Variants in SIGLEC9 observed in about 807,000 individuals in gnomAD.
SIGLEC9 encodes sialic acid-binding Ig-like lectin 9.
SIGLEC9 carries 26 observed loss-of-function variants against 38.3 expected under a neutral mutation model. That is an observed-to-expected ratio of 0.68 (90% CI 0.50 to 0.94). SIGLEC9 has a LOEUF of 0.94. Ranked by LOEUF, SIGLEC9 falls within the 40% of genes least tolerant of loss-of-function variation. SIGLEC9 has a pLI of 0.00. For missense variants in SIGLEC9, 556 were observed against 585.7 expected (o/e 0.95, Z 0.52); for synonymous variants, 236 against 248.0 (o/e 0.95, Z 0.45).
At position 51,125,724 on chromosome 19, in the gene SIGLEC9, C is replaced by T. The variant is rs760009048; in HGVS notation, c.549C>T (p.Thr183=). Residue 183 remains threonine (T), a synonymous_variant, in exon 2 of 7, where the codon ACC becomes ACT. Transcript: ENST00000250360. ...CCCCTATGATCTCCTGGATAGGGAC[C>T]TCCGTGTCCCCCCTGGACCCCTCCA... ...GTPPMISWIG[T]SVSPLDPSTT... 32 of 1,613,928 alleles carry T rather than the reference C, an allele frequency of 2.0e-5. No individual in the cohort carries two copies. The Admixed American group carries it at 4.7e-4, about 24-fold the overall frequency.
chr19:51,128,111 A>G (rs1481111547), intron 5 of SIGLEC9, 72 bp downstream of exon 5: 1 of 1,273,500 alleles, frequency 7.9e-7, no homozygotes, highest in Admixed American at 1.8e-5. Context: ...GGATCCCTGA[A>G]GCCAGAGCTG....
intron 2 of SIGLEC9, 78 bp from the exon 3 acceptor site, chr19:51,126,003 A>G (rs907916781): frequency 1.3e-6 from 2 of 1,582,240 alleles, no homozygotes; most frequent in African/African-American, 2.7e-5. Flanking sequence ...TTCCCTGTTT[A>G]TGCGGCTCCT....
intron 6 of SIGLEC9, chr19:51,135,928 G>T: frequency 1.4e-6 from 1 of 699,874 alleles, no homozygotes; most frequent in South Asian, 1.5e-5. Flanking sequence ...AGATCAGTTT[G>T]ATTCTCTCTT....
chr19:51,121,362 C>A (rs1235214021), upstream of SIGLEC9, among the ~76,000 whole-genome samples: 1 of 151,718 alleles, frequency 6.6e-6, no homozygotes, highest in Non-Finnish European at 1.5e-5. Flanking sequence ...CTTGATGCCT[C>A]TCCTACTTTC....
Position 51,125,344 on chromosome 19 carries a change from G to C in SIGLEC9, c.370G>C (p.Gly124Arg), listed in dbSNP as rs1326473632. ...GAGATACTTCTTTCGTATGGAGAAA[G>C]GAAGTATAAAATGGAATTATAAACA... ...AGRYFFRMEK[G>R]SIKWNYKHHR... is the part of the protein sequence containing the mutation. The change falls in exon 1 of 7, where the codon GGA becomes CGA. Residue 124 changes from glycine (G) to arginine (R), a missense_variant. Physicochemically the swap from Gly to Arg is moderately radical, Grantham distance 125. Transcript: ENST00000250360. 1.2e-6 allele frequency: 2 copies of C among 1,608,348 alleles called. No individual in the cohort carries two copies. The highest frequency in any genetic ancestry group is 1.7e-6 in the Non-Finnish European group (2 of 1,176,906).
downstream of SIGLEC9, among the ~76,000 whole-genome samples, chr19:51,131,709 G>A (rs1179776109): frequency 6.8e-6 from 1 of 148,074 alleles, no homozygotes; most frequent in Non-Finnish European, 1.5e-5. Flanking sequence ...TCAGGTCAGG[G>A]GTTCAAGACC....
upstream of SIGLEC9, chr19:51,120,132 C>T (rs2091947802): frequency 1.3e-5 from 2 of 153,402 alleles, no homozygotes; most frequent in Non-Finnish European, 2.9e-5. This position sits in a 1 kb window ranked among gnomAD's most constrained non-coding sequence, Gnocchi z 4.1. Context: ...AAGGAACACT[C>T]CAGTGGCTAC....
intron 4 of SIGLEC9, 76 bp from the exon 5 acceptor site, chr19:51,127,873 A>G: frequency 1.2e-6 from 1 of 825,250 alleles, no homozygotes; most frequent in South Asian, 1.5e-5. Flanking sequence ...GAAGTCTAGG[A>G]CCCTACAGGA....
downstream of SIGLEC9, among the ~76,000 whole-genome samples, chr19:51,132,661 A>G (rs1366661191): frequency 6.6e-6 from 1 of 152,238 alleles, no homozygotes; most frequent in African/African-American, 2.4e-5. Context: ...CATCCCGCTC[A>G]GCTGGAATTG....
At chr19:51,136,160 G>C (rs761073779) in exon 7 of SIGLEC9, 4 of 703,542 alleles carry the variant, frequency 5.7e-6, no homozygotes, top group South Asian at 1.5e-5. Flanking sequence ...GGATGTGTCA[G>C]ATTTCTTTCA....
downstream of SIGLEC9, among the ~76,000 whole-genome samples, chr19:51,132,474 A>G (rs2092021520): frequency 6.6e-6 from 1 of 152,314 alleles, no homozygotes; most frequent in Non-Finnish European, 1.5e-5. Context: ...TGTGATAAGG[A>G]GCGCGGAAAG....
chr19:51,130,117 C>A lies in SIGLEC9; in HGVS notation c.*38C>A. ...ACTCACCCTGATTGAGGGATCACAG[C>A]CCCTCCAGGCAAGGGAGAAGTCAGA... On this transcript the variant is annotated 3_prime_UTR_variant, in exon 7 of 7. Transcript: ENST00000250360. 6.4e-7 allele frequency: 1 copy of A among 1,559,886 alleles called. No individual in the cohort carries two copies. The highest frequency in any genetic ancestry group is 8.7e-7 in the Non-Finnish European group (1 of 1,151,870).
At chr19:51,135,949 T>C (rs1482809466) in intron 6 of SIGLEC9, 1 of 702,296 alleles carries the variant, frequency 1.4e-6, no homozygotes, top group Non-Finnish European at 2.6e-6. Flanking sequence ...AAAATGATTA[T>C]TTTATCTTTC....
rs573416597 is a variant in SIGLEC9, at chr19:51,127,676, T to C, written c.1016-273T>C. On this transcript the variant is annotated intron_variant, in intron 4 of 6. Transcript: ENST00000250360. ...ATGAAATCATATTGCAATGCAATAA[T>C]CTTTTAAAAAAAGTAAAAATTGAAT... is the stretch of plus-strand genomic sequence containing the variant. 3.9e-5 allele frequency among the ~76,000 whole-genome samples: 6 copies of C among 152,288 alleles called. 1 individual carries two copies. The South Asian group carries it at 6.2e-4, about 16-fold the overall frequency.
rs2091977960 is a variant in SIGLEC9 at position 51,126,138 on chromosome 19, A to G, written c.748+10A>G. On this transcript the variant is annotated intron_variant, in intron 3 of 6. Coordinates refer to ENST00000250360, the MANE Select transcript of SIGLEC9 (RefSeq NM_014441.3). ...CAAGGAGACGGCACAGGTAGGATGGAGCTCCCTCCCTGGGGCTGGAGGAGC... is the reference window on the plus strand; with the variant it reads ...CAAGGAGACGGCACAGGTAGGATGGGGCTCCCTCCCTGGGGCTGGAGGAGC... 8 of 1,612,956 alleles carry G rather than the reference A, an allele frequency of 5.0e-6. No homozygotes were observed. The highest frequency in any genetic ancestry group is 5.1e-6 in the Non-Finnish European group (6 of 1,179,050).
chr19:51,124,950 G>T lies in SIGLEC9; in HGVS notation c.-25G>T. ...CCCTGAGGAACAGACGTTCCCTCGC[G>T]GCCCTGGCACCTCTAACCCCAGACA... On this transcript the variant is annotated 5_prime_UTR_variant, in exon 1 of 7. Coordinates refer to ENST00000250360, the MANE Select transcript of SIGLEC9 (RefSeq NM_014441.3). 1.9e-6 allele frequency: 3 copies of T among 1,579,138 alleles called. No individual in the cohort carries two copies. Among genetic ancestry groups the T allele is most frequent in the Non-Finnish European group, 2.6e-6 (3 of 1,162,046 alleles).
downstream of SIGLEC9, among the ~76,000 whole-genome samples, chr19:51,131,063 G>A (rs991219053): frequency 1.6e-4 from 25 of 152,220 alleles, no homozygotes; most frequent in African/African-American, 5.3e-4. Context: ...AATGAGAAAC[G>A]TTTCCAAAGG....
upstream of SIGLEC9, among the ~76,000 whole-genome samples, chr19:51,122,435 A>C (rs1599812770): frequency 2.6e-5 from 4 of 151,900 alleles, no homozygotes; most frequent in Admixed American, 2.6e-4. The surrounding 1 kb of genome is among the most constrained non-coding windows in gnomAD (Gnocchi z 4.1). Flanking sequence ...ACAAAAATTA[A>C]CCTGGCGTGG....
In SIGLEC9 at chr19:51,125,315, C is replaced by G; in HGVS notation, c.341C>G (p.Ala114Gly). 3.1e-6 allele frequency: 5 copies of G among 1,612,988 alleles called. No homozygotes were observed. The highest frequency in any genetic ancestry group is 4.2e-6 in the Non-Finnish European group (5 of 1,179,514). Reference sequence around the variant, plus strand: ...ATCAGAGATGCCAGAAGAAGTGATGCGGGGAGATACTTCTTTCGTATGGAG... The same window carrying G: ...ATCAGAGATGCCAGAAGAAGTGATGGGGGGAGATACTTCTTTCGTATGGAG... ...LSIRDARRSDAGRYFFRMEKG... is the reference protein window; with the variant it reads ...LSIRDARRSDGGRYFFRMEKG... The change falls in exon 1 of 7, where the codon GCG becomes GGG. Residue 114 changes from alanine (A) to glycine (G), a missense_variant. Ala to Gly is a moderately conservative substitution (Grantham distance 60, BLOSUM62 0). Transcript: ENST00000250360.
Sources: gnomAD v4.1 joint callset for allele counts (sites outside exome capture counted in the v4.1 genomes callset) on GRCh38, gnomAD v4.1.1 for gene constraint, Gnocchi (gnomAD v3.1) non-coding constraint, MANE v1.5 for transcripts, NCBI Gene and HGNC (gene_info 2026-07-23, HGNC 2026-07-21) for gene names.